Variants in NCBP3 observed in about 807,000 individuals in gnomAD.
NCBP3 encodes nuclear cap binding subunit 3.
Under a neutral mutation model 75.7 loss-of-function variants are expected in NCBP3, and 20 were observed. That is an observed-to-expected ratio of 0.26 (90% CI 0.19 to 0.38). The LOEUF (loss-of-function observed/expected upper bound fraction) is 0.38, where lower values mean the gene tolerates loss of function less well. Among genes scored for constraint, NCBP3 ranks in the 10% least tolerant of loss-of-function variants. NCBP3 has a pLI of 1.00. For missense variants in NCBP3, 678 were observed against 796.9 expected (o/e 0.85, Z 1.80); for synonymous variants, 293 against 290.5 (o/e 1.01, Z -0.09).
chr17:3,825,996 G>A, intron 5 of NCBP3, 91 bp downstream of exon 5: 5 of 1,469,734 alleles, frequency 3.4e-6, no homozygotes, highest in Non-Finnish European at 4.6e-6. Context: ...GAAACACTTG[G>A]TGATGAGATG....
chr17:3,822,988 C>G (rs934413509), intron 7 of NCBP3: 1 of 152,178 alleles, frequency 6.6e-6, no homozygotes, highest in Admixed American at 6.5e-5. Context: ...AGGGGCTCTA[C>G]TGGCCAAATC....
intron 3 of NCBP3, among the ~76,000 whole-genome samples, chr17:3,836,426 G>A (rs574013674): frequency 7.2e-5 from 11 of 152,120 alleles, no homozygotes; most frequent in South Asian, 2.1e-4. Context: ...AGGCTGAGGC[G>A]GGTGGATCAC....
At chr17:3,821,020 T>C (rs1357670118) in intron 9 of NCBP3, among the ~76,000 whole-genome samples, 1 of 152,200 alleles carries the variant, frequency 6.6e-6, no homozygotes, top group Non-Finnish European at 1.5e-5. Flanking sequence ...TAATTTTTCC[T>C]ATGTCATATT....
chr17:3,841,866 C>A (rs1212981854), intron 2 of NCBP3, among the ~76,000 whole-genome samples: 1 of 149,460 alleles, frequency 6.7e-6, no homozygotes, highest in Non-Finnish European at 1.5e-5. Flanking sequence ...AAAAGGAAGG[C>A]ACGAAATATA....
In NCBP3 at chr17:3,810,769, T is replaced by G. The variant is rs946189231; in HGVS notation, c.*2275A>C. On this transcript the variant is annotated 3_prime_UTR_variant, in exon 13 of 13. Coordinates refer to ENST00000389005, the MANE Select transcript of NCBP3 (RefSeq NM_001114118.3). ...ACTGTAAGGTTACTCGAGTGTGTAT[T>G]TCTCTTGGTTACATCAAAGACCCAG... is the stretch of plus-strand genomic sequence containing the variant. 1 of 152,202 alleles carries G rather than the reference T, an allele frequency of 6.6e-6. No individual in the cohort carries two copies. Among genetic ancestry groups the G allele is most frequent in the African/African-American group, 2.4e-5 (1 of 41,446 alleles). The allele number at this position is 152,202 out of a possible 1,614,324, so 9.4% of individuals were successfully genotyped here.
Position 3,812,604 on chromosome 17 carries a change from C to CATTAAAAAA in NCBP3, c.*439_*440insTTTTTTAAT. The CATTAAAAAA allele has an allele frequency of 4.9e-6, 5 of 1,015,498 alleles. No homozygotes were observed. Among genetic ancestry groups the CATTAAAAAA allele is most frequent in the Admixed American group, 1.0e-4 (2 of 19,210 alleles). The allele number at this position is 1,015,498 out of a possible 1,614,324, so 62.9% of individuals were successfully genotyped here. On this transcript the variant is annotated 3_prime_UTR_variant, in exon 13 of 13. Transcript: ENST00000389005. ...CTCCTCTTCCCCCTCGAAGGATGTC[C>CATTAAAAAA]AATAAGCACCTGGGAATTGACTTTT...
chr17:3,837,215 T>G (rs1034392379), intron 3 of NCBP3, among the ~76,000 whole-genome samples: 1 of 145,376 alleles, frequency 6.9e-6, no homozygotes, highest in Non-Finnish European at 1.5e-5. Context: ...AGAATAACTA[T>G]CAGCCGGGCG....
rs1418001300 is a variant in NCBP3 at position 3,807,855 on chromosome 17, GCT to G, written c.*5187_*5188del. The G allele has an allele frequency of 6.6e-6, 1 of 152,126 alleles. No individual in the cohort carries two copies. The allele number at this position is 152,126 out of a possible 1,614,324, so 9.4% of individuals were successfully genotyped here. A position where few individuals can be genotyped will look rare whatever the true frequency, so the allele number is the denominator to read the frequency against. On this transcript the variant is annotated 3_prime_UTR_variant, in exon 13 of 13. Coordinates refer to ENST00000389005, the MANE Select transcript of NCBP3 (RefSeq NM_001114118.3). ...CACTCAACAAGCAGACACGGTCCCT[GCT>G]CTCACGGAGCTTACAGTCTAGCAAG...
chr17:3,812,491 T>C lies in NCBP3; in HGVS notation c.*553A>G. The C allele has an allele frequency of 1.0e-6, 1 of 990,292 alleles. No individual in the cohort carries two copies. Among genetic ancestry groups the C allele is most frequent in the Non-Finnish European group, 1.2e-6 (1 of 832,738 alleles). 61.3% of individuals were successfully genotyped at this position (990,292 alleles called of 1,614,324 possible). On this transcript the variant is annotated 3_prime_UTR_variant, in exon 13 of 13. Transcript: ENST00000389005. ...CACAGTCAATGCTGCAGCTCTTATC[T>C]ACCTGGGCGGCACTGGTGCACCTCT...
At chr17:3,843,992 T>G (rs1374906898) in intron 1 of NCBP3, among the ~76,000 whole-genome samples, 1 of 152,190 alleles carries the variant, frequency 6.6e-6, no homozygotes, top group Admixed American at 6.5e-5. Context: ...CTGAAGTGAT[T>G]CCATCAACTC....
rs539708489 is a variant in NCBP3, at chr17:3,830,517, C to T, written c.356-1149G>A. On this transcript the variant is annotated intron_variant, in intron 3 of 12. Coordinates refer to ENST00000389005, the MANE Select transcript of NCBP3 (RefSeq NM_001114118.3). ...AGGCCAATATGAGTCACACTGATAACTGCTGTTACTTCTGAGGAGGCAGAA... is the reference window on the plus strand; with the variant it reads ...AGGCCAATATGAGTCACACTGATAATTGCTGTTACTTCTGAGGAGGCAGAA... 5.3e-5 allele frequency among the ~76,000 whole-genome samples: 8 copies of T among 152,324 alleles called. No homozygotes were observed. The East Asian group carries it at 1.5e-3, about 29-fold the overall frequency.
intron 1 of NCBP3, among the ~76,000 whole-genome samples, chr17:3,845,407 G>A (rs1047677589): frequency 6.6e-6 from 1 of 151,984 alleles, no homozygotes; most frequent in African/African-American, 2.4e-5. Flanking sequence ...TCCCCAGCGC[G>A]GTAAAGGAGG....
At chr17:3,826,007 C>CTA in intron 5 of NCBP3, 80 bp downstream of exon 5, 1 of 1,487,154 alleles carries the variant, frequency 6.7e-7, no homozygotes, top group Non-Finnish European at 9.0e-7. Context: ...TGATGAGATG[C>CTA]TATATAGAGC....
intron 11 of NCBP3, among the ~76,000 whole-genome samples, chr17:3,815,889 G>A (rs953095816): frequency 6.6e-6 from 1 of 152,198 alleles, no homozygotes; most frequent in Non-Finnish European, 1.5e-5. Context: ...GACATACCAA[G>A]GAACAACTGT....
intron 7 of NCBP3, chr17:3,822,693 A>C (rs555878414): frequency 6.6e-6 from 1 of 152,418 alleles, no homozygotes; most frequent in African/African-American, 2.4e-5. Context: ...TGTCAAAAGT[A>C]GTAATACAAA....
intron 1 of NCBP3, 92 bp from the exon 2 acceptor site, chr17:3,843,243 C>CT (rs5818919): frequency 0.37 from 252,002 of 684,920 alleles, 17,467 homozygotes; most frequent in African/African-American, 0.41. Flanking sequence ...TTCTTTTTTC[C>CT]TTTTTTTTTT....
chr17:3,843,852 T>A (rs1356964856), intron 1 of NCBP3, among the ~76,000 whole-genome samples: 1 of 152,184 alleles, frequency 6.6e-6, no homozygotes, highest in East Asian at 1.9e-4. Context: ...CAAGTCTGGT[T>A]CTTTTTGAAT....
chr17:3,837,883 C>T (rs947532238), intron 3 of NCBP3, among the ~76,000 whole-genome samples: 2 of 152,014 alleles, frequency 1.3e-5, no homozygotes, highest in Admixed American at 6.6e-5. Flanking sequence ...GACAAAGAAT[C>T]GACTGAAATA....
chr17:3,842,373 C>G (rs979109298), intron 2 of NCBP3, among the ~76,000 whole-genome samples: 1 of 152,064 alleles, frequency 6.6e-6, no homozygotes, highest in African/African-American at 2.4e-5. Flanking sequence ...TGCAGTGAGC[C>G]GAGATCGCAC....
Sources: allele counts gnomAD v4.1 joint callset (sites outside exome capture counted in the v4.1 genomes callset), GRCh38; gene constraint gnomAD v4.1.1; transcripts MANE v1.5; gene names NCBI Gene and HGNC (gene_info 2026-07-23, HGNC 2026-07-21).